Variants in GUCY1B1 observed in about 807,000 individuals in gnomAD.
GUCY1B1 encodes guanylate cyclase soluble subunit beta-1.
Under a neutral mutation model 71.0 loss-of-function variants are expected in GUCY1B1, and 43 were observed. That is an observed-to-expected ratio of 0.61 (90% CI 0.47 to 0.78). GUCY1B1 has a LOEUF of 0.78. GUCY1B1 is among the 30% of genes least tolerant of loss of function. The pLI, the probability that GUCY1B1 is intolerant of heterozygous loss-of-function variation, is 0.00. For missense variants in GUCY1B1, 535 were observed against 754.1 expected (o/e 0.71, Z 3.40); for synonymous variants, 266 against 259.7 (o/e 1.02, Z -0.23).
intron 2 of GUCY1B1, among the ~76,000 whole-genome samples, chr4:155,766,807 A>G (rs1026610503): frequency 1.3e-5 from 2 of 152,216 alleles, no homozygotes; most frequent in Admixed American, 1.3e-4. Flanking sequence ...AGTCAGTGTC[A>G]TAGACTGTAA....
At chr4:155,784,864 G>T (rs987267988) in intron 4 of GUCY1B1, among the ~76,000 whole-genome samples, 1 of 152,130 alleles carries the variant, frequency 6.6e-6, no homozygotes, top group African/African-American at 2.4e-5. Context: ...TTTTTGGCAT[G>T]CATATTACAA....
chr4:155,781,714 C>G (rs2111065768), intron 4 of GUCY1B1, among the ~76,000 whole-genome samples: 1 of 151,412 alleles, frequency 6.6e-6, no homozygotes, highest in Non-Finnish European at 1.5e-5. Flanking sequence ...TTAGAGAAAA[C>G]TTTGTAGAAA....
chr4:155,785,470 T>C, intron 4 of GUCY1B1: 1 of 528,496 alleles, frequency 1.9e-6, no homozygotes, highest in Non-Finnish European at 3.3e-6. Flanking sequence ...TCAGTTTTGA[T>C]ATGAAACTCT....
At chr4:155,804,790 T>C in intron 12 of GUCY1B1, 43 bp downstream of exon 12, 2 of 1,526,884 alleles carry the variant, frequency 1.3e-6, no homozygotes, top group Non-Finnish European at 1.8e-6. Context: ...GCAAAGAAAA[T>C]GTGTCTTTGC....
intron 4 of GUCY1B1, among the ~76,000 whole-genome samples, chr4:155,783,660 T>G (rs1346662809): frequency 1.3e-5 from 2 of 152,188 alleles, no homozygotes; most frequent in Non-Finnish European, 2.9e-5. Context: ...AACATTGTGA[T>G]TTGGCCACCA....
At chr4:155,805,063 T>C in intron 12 of GUCY1B1, 40 bp from the exon 13 acceptor site, 1 of 1,574,998 alleles carries the variant, frequency 6.3e-7, no homozygotes, top group Non-Finnish European at 8.7e-7. Flanking sequence ...ATAAAACTTG[T>C]GTATACTTCT....
chr4:155,796,551 A>G, intron 8 of GUCY1B1, 41 bp downstream of exon 8: 2 of 1,362,906 alleles, frequency 1.5e-6, no homozygotes, highest in East Asian at 2.3e-5. Flanking sequence ...ATCAGTACCT[A>G]TCTTTAGCTA....
At chr4:155,773,896 C>A (rs1168445762) in intron 2 of GUCY1B1, among the ~76,000 whole-genome samples, 1 of 152,132 alleles carries the variant, frequency 6.6e-6, no homozygotes, top group African/African-American at 2.4e-5. Flanking sequence ...ACCGTGTTAG[C>A]CAGGATGGTC....
At chr4:155,780,507 C>A (rs1738344709) in intron 4 of GUCY1B1, among the ~76,000 whole-genome samples, 1 of 152,184 alleles carries the variant, frequency 6.6e-6, no homozygotes, top group Admixed American at 6.5e-5. Flanking sequence ...TTATCATTCC[C>A]ATTTGATGGA....
intron 4 of GUCY1B1, chr4:155,785,267 A>T (rs1362958748): frequency 3.6e-6 from 5 of 1,396,832 alleles, no homozygotes; most frequent in Non-Finnish European, 4.9e-6. Flanking sequence ...AGCCTAGAAG[A>T]ATGAATCAAA....
chr4:155,762,863 G>A (rs1179504360), intron 2 of GUCY1B1, among the ~76,000 whole-genome samples: 6 of 152,162 alleles, frequency 3.9e-5, no homozygotes. Flanking sequence ...GACAAAGTGG[G>A]CTACATGTGA....
At position 155,805,114 on chromosome 4, in the gene GUCY1B1, C is replaced by T. The variant is rs1214550828; in HGVS notation, c.1721C>T (p.Ser574Phe). Residue 574 changes from serine (S) to phenylalanine (F), a missense_variant, in exon 13 of 14, where the codon TCT becomes TTT. Ser to Phe is a radical substitution (Grantham distance 155). Transcript: ENST00000264424. Reference sequence around the variant, plus strand: ...CCCTTGTCTTTTAGATGTCTTATGTCTCCAGAAAATTCAGATCCACAATTC... The same window carrying T: ...CCCTTGTCTTTTAGATGTCTTATGTTTCCAGAAAATTCAGATCCACAATTC... ...VSEYTYRCLM[S>F]PENSDPQFHL... 3.1e-6 allele frequency: 5 copies of T among 1,611,670 alleles called. No individual in the cohort carries two copies. The South Asian group carries it at 5.5e-5, about 18-fold the overall frequency.
chr4:155,761,087 T>C (rs545558297), intron 2 of GUCY1B1, among the ~76,000 whole-genome samples: 1 of 152,336 alleles, frequency 6.6e-6, no homozygotes, highest in African/African-American at 2.4e-5. Flanking sequence ...TCAGAAACCA[T>C]TTGTATTATC....
chr4:155,771,400 A>G (rs1324606070), intron 2 of GUCY1B1, among the ~76,000 whole-genome samples: 1 of 152,184 alleles, frequency 6.6e-6, no homozygotes, highest in Non-Finnish European at 1.5e-5. Context: ...CCCCTGTTTT[A>G]TGCAGAGGGA....
At chr4:155,799,037 A>G (rs1285811793) in intron 8 of GUCY1B1, among the ~76,000 whole-genome samples, 1 of 152,096 alleles carries the variant, frequency 6.6e-6, no homozygotes, top group Non-Finnish European at 1.5e-5. Context: ...GCGTTTCACC[A>G]TGTTAGCCAG....
At chr4:155,770,276 C>G (rs1247895636) in intron 2 of GUCY1B1, among the ~76,000 whole-genome samples, 2 of 152,122 alleles carry the variant, frequency 1.3e-5, no homozygotes, top group Admixed American at 6.6e-5. Context: ...GAGAAGGAAG[C>G]CTGCAGTGTG....
intron 7 of GUCY1B1, among the ~76,000 whole-genome samples, chr4:155,796,037 G>A (rs1739532031): frequency 6.6e-6 from 1 of 152,140 alleles, no homozygotes; most frequent in African/African-American, 2.4e-5. Flanking sequence ...TGGGAGAATG[G>A]GGAGGCTTGG....
At chr4:155,778,969 C>T (rs979355879) in intron 4 of GUCY1B1, among the ~76,000 whole-genome samples, 1 of 149,074 alleles carries the variant, frequency 6.7e-6, no homozygotes, top group Admixed American at 6.7e-5. Flanking sequence ...TTTATTAATT[C>T]CTTTTTTTTT....
intron 11 of GUCY1B1, 27 bp downstream of exon 11, chr4:155,803,791 T>C (rs1561036093): frequency 6.9e-7 from 1 of 1,454,502 alleles, no homozygotes. Flanking sequence ...GATATTGTAA[T>C]AATGGTATGT....
Sources: gnomAD v4.1 joint callset for allele counts (sites outside exome capture counted in the v4.1 genomes callset) on GRCh38, gnomAD v4.1.1 for gene constraint, MANE v1.5 for transcripts, NCBI Gene and HGNC (gene_info 2026-07-23, HGNC 2026-07-21) for gene names.